The following CARMIL1 variants were observed in gnomAD, a reference collection of about 807,000 sequenced individuals.
CARMIL1 encodes capping protein regulator and myosin 1 linker 1.
A neutral mutation model predicts 177.1 loss-of-function variants in CARMIL1; 90 were observed. That is an observed-to-expected ratio of 0.51 (90% confidence interval 0.43 to 0.61). The LOEUF (loss-of-function observed/expected upper bound fraction) is 0.61, where lower values mean the gene tolerates loss of function less well. Ranked by LOEUF, CARMIL1 falls within the 20% of genes least tolerant of loss-of-function variation. CARMIL1 has a pLI of 0.00. For synonymous variants in CARMIL1, 577 were observed against 606.2 expected (o/e 0.95, Z 0.71); for missense variants, 1,380 against 1,667.0 (o/e 0.83, Z 3.00).
At chr6:25,471,003 T>A (rs1412688251) in intron 9 of CARMIL1, among the ~76,000 whole-genome samples, 166 bp from the exon 10 acceptor site, 1 of 152,242 alleles carries the variant, frequency 6.6e-6, no homozygotes, top group African/African-American at 2.4e-5. Context: ...ATCATTGTAT[T>A]TCCAGGATCT....
chr6:25,437,188 CT>C (rs1174377515), intron 5 of CARMIL1, among the ~76,000 whole-genome samples: 1 of 152,166 alleles, frequency 6.6e-6, no homozygotes, highest in East Asian at 1.9e-4. Context: ...AATGTGCTCG[CT>C]TTCCTTCTAA....
chr6:25,349,118 C>T lies in CARMIL1; in HGVS notation c.138+64209C>T, dbSNP rs536071716. ...AGTTCAGGGTTGAAGGTGGCTGGAG[C>T]GTATCCTGGCAGGCAGGGCGCAAGG... On this transcript the variant is annotated intron_variant, in intron 2 of 36. Transcript: ENST00000329474. Among the ~76,000 whole-genome samples, 9 of 152,268 alleles carry T rather than the reference C, an allele frequency of 5.9e-5. No individual in the cohort carries two copies. In the South Asian group the frequency reaches 1.5e-3, roughly 25 times the overall value.
intron 32 of CARMIL1, among the ~76,000 whole-genome samples, chr6:25,595,220 A>G (rs770479455): frequency 6.6e-5 from 10 of 152,136 alleles, no homozygotes; most frequent in Admixed American, 1.3e-4. Context: ...ACTAAATACA[A>G]ATCTATCCCA....
At chr6:25,303,654 T>C (rs1783041253) in intron 2 of CARMIL1, among the ~76,000 whole-genome samples, 2 of 152,262 alleles carry the variant, frequency 1.3e-5, no homozygotes, top group East Asian at 3.8e-4. Flanking sequence ...GTGTTATCTT[T>C]TACACAAAGG....
chr6:25,311,727 A>C (rs1451953106), intron 2 of CARMIL1, among the ~76,000 whole-genome samples: 2 of 151,972 alleles, frequency 1.3e-5, no homozygotes, highest in Non-Finnish European at 2.9e-5. Flanking sequence ...TATGATACAC[A>C]CCCATCAGAA....
intron 2 of CARMIL1, among the ~76,000 whole-genome samples, chr6:25,310,962 C>A (rs1415493239): frequency 6.6e-6 from 1 of 151,904 alleles, no homozygotes; most frequent in Non-Finnish European, 1.5e-5. Flanking sequence ...GGGTGGATCA[C>A]CTGAGGTCAG....
At chr6:25,474,256 C>T (rs1282080019) in intron 11 of CARMIL1, among the ~76,000 whole-genome samples, 1 of 151,606 alleles carries the variant, frequency 6.6e-6, no homozygotes, top group Non-Finnish European at 1.5e-5. Context: ...TACAGGTGCC[C>T]ACCACCATGC....
intron 2 of CARMIL1, among the ~76,000 whole-genome samples, chr6:25,360,621 C>G (rs574322842): frequency 6.6e-6 from 1 of 152,238 alleles, no homozygotes; most frequent in African/African-American, 2.4e-5. Flanking sequence ...ACTGGGATAG[C>G]CAAGGCAAAT....
chr6:25,316,846 A>G (rs1208213217), intron 2 of CARMIL1, among the ~76,000 whole-genome samples: 4 of 152,212 alleles, frequency 2.6e-5, no homozygotes, highest in African/African-American at 9.7e-5. Context: ...CCAGAGGGCC[A>G]ATTGTTAAAT....
At chr6:25,332,217 T>A (rs1463290197) in intron 2 of CARMIL1, among the ~76,000 whole-genome samples, 4 of 152,230 alleles carry the variant, frequency 2.6e-5, no homozygotes, top group African/African-American at 9.6e-5. Context: ...AAAGTAGTGA[T>A]GAACTGGAAA....
intron 2 of CARMIL1, chr6:25,350,470 C>T (rs953846244): frequency 6.6e-6 from 1 of 152,194 alleles, no homozygotes; most frequent in Non-Finnish European, 1.5e-5. Flanking sequence ...GGGCTGGGGT[C>T]AAGGCTGCCT....
At chr6:25,618,095 A>G (rs1032089591) in intron 36 of CARMIL1, among the ~76,000 whole-genome samples, 5 of 152,184 alleles carry the variant, frequency 3.3e-5, no homozygotes, top group African/African-American at 1.2e-4. Flanking sequence ...GTCATTAACT[A>G]AAGATTTAAA....
At chr6:25,585,718 TG>T (rs1279677169) in intron 31 of CARMIL1, among the ~76,000 whole-genome samples, 29 of 152,256 alleles carry the variant, frequency 1.9e-4, no homozygotes, top group Admixed American at 1.9e-3. Flanking sequence ...TTTGTGTCCC[TG>T]GGTACTTGAG....
At chr6:25,480,677 TTTAA>T (rs1323658689) in intron 11 of CARMIL1, among the ~76,000 whole-genome samples, 1 of 148,494 alleles carries the variant, frequency 6.7e-6, no homozygotes, top group African/African-American at 2.4e-5. Context: ...TAAATTTATA[TTTAA>T]TGTAATCATT....
At chr6:25,368,800 T>C (rs1790102152) in intron 2 of CARMIL1, among the ~76,000 whole-genome samples, 1 of 152,244 alleles carries the variant, frequency 6.6e-6, no homozygotes, top group African/African-American at 2.4e-5. Flanking sequence ...ATGTGATAAA[T>C]GGCCTCATGT....
intron 22 of CARMIL1, 102 bp downstream of exon 22, chr6:25,517,517 C>A: frequency 1.2e-6 from 1 of 842,360 alleles, no homozygotes; most frequent in Non-Finnish European, 1.9e-6. Context: ...TATTGGGGAT[C>A]AGAAGATCTG....
Position 25,606,256 on chromosome 6 carries a change from G to C in CARMIL1, c.3830G>C (p.Arg1277Thr), listed in dbSNP as rs748188923. The change falls in exon 35 of 37, where the codon AGA (arginine) becomes ACA (threonine). Residue 1277 changes from arginine (R) to threonine (T), a missense_variant. Arg to Thr is a moderately conservative substitution (Grantham distance 71, BLOSUM62 -1). Transcript: ENST00000329474. Reference sequence around the variant, plus strand: ...CGGCCCGTCATCCCGCAGAAACCAAGAACCGCCTCACGGCCTGGTAAGAGT... The same window carrying C: ...CGGCCCGTCATCCCGCAGAAACCAACAACCGCCTCACGGCCTGGTAAGAGT... ...AARPVIPQKPRTASRPDDIPD... is the reference protein window; with the variant it reads ...AARPVIPQKPTTASRPDDIPD... The C allele has an allele frequency of 6.2e-7, 1 of 1,613,604 alleles. No homozygotes were observed. The highest frequency in any genetic ancestry group is 2.2e-5 in the East Asian group (1 of 44,868).
intron 26 of CARMIL1, among the ~76,000 whole-genome samples, chr6:25,546,788 G>A (rs769076324): frequency 9.9e-5 from 15 of 151,692 alleles, no homozygotes; most frequent in Non-Finnish European, 1.6e-4. Flanking sequence ...GGTGGCTCAC[G>A]TTTGTAATCC....
intron 2 of CARMIL1, among the ~76,000 whole-genome samples, chr6:25,346,138 C>T (rs1581638074): frequency 6.9e-6 from 1 of 145,926 alleles, no homozygotes; most frequent in Non-Finnish European, 1.5e-5. Context: ...GTGCAGATTA[C>T]GTCACTCTTC....
Sources: allele counts gnomAD v4.1 joint callset (sites outside exome capture counted in the v4.1 genomes callset), GRCh38; gene constraint gnomAD v4.1.1; transcripts MANE v1.5; gene names NCBI Gene and HGNC (gene_info 2026-07-23, HGNC 2026-07-21).